The following TCERG1L variants were observed in gnomAD, a reference collection of about 807,000 sequenced individuals.
The protein encoded by TCERG1L is transcription elongation regulator 1 like.
TCERG1L carries 37 observed loss-of-function variants against 56.3 expected under a neutral mutation model. The observed-to-expected ratio is 0.66, with a 90% confidence interval of 0.51 to 0.87. The LOEUF is 0.87. TCERG1L is among the 40% of genes least tolerant of loss of function. The pLI is 0.00. For missense variants in TCERG1L, 799 were observed against 774.2 expected (o/e 1.03, Z -0.38); for synonymous variants, 324 against 326.3 (o/e 0.99, Z 0.08).
At chr10:131,225,765 C>T (rs1845785023) in intron 4 of TCERG1L, among the ~76,000 whole-genome samples, 2 of 152,000 alleles carry the variant, frequency 1.3e-5, no homozygotes, top group Non-Finnish European at 2.9e-5. Context: ...CTGCACACAG[C>T]GATGCCCCAG....
At chr10:131,168,896 G>A (rs893144548) in intron 4 of TCERG1L, among the ~76,000 whole-genome samples, 1 of 152,214 alleles carries the variant, frequency 6.6e-6, no homozygotes, top group Non-Finnish European at 1.5e-5. Context: ...ACCACCCCAA[G>A]AGACGCCCTC....
chr10:131,149,084 C>G (rs760136101), intron 6 of TCERG1L, among the ~76,000 whole-genome samples: 1 of 152,258 alleles, frequency 6.6e-6, no homozygotes, highest in Non-Finnish European at 1.5e-5. Flanking sequence ...CTGAGAAGGT[C>G]GCCTCCCCTC....
intron 3 of TCERG1L, among the ~76,000 whole-genome samples, chr10:131,277,267 G>C (rs1387036833): frequency 6.6e-6 from 1 of 152,164 alleles, no homozygotes; most frequent in Admixed American, 6.5e-5. Context: ...AAGGTGGATT[G>C]GCGAGGTTCT....
At chr10:131,204,052 G>GCGAC (rs534165241) in intron 4 of TCERG1L, among the ~76,000 whole-genome samples, 242 of 152,332 alleles carry the variant, frequency 1.6e-3, no homozygotes, top group African/African-American at 5.6e-3. Flanking sequence ...GATGGAATGA[G>GCGAC]CGACCTCATG....
chr10:131,199,731 AG>A (rs745332950), intron 4 of TCERG1L, among the ~76,000 whole-genome samples: 1 of 152,190 alleles, frequency 6.6e-6, no homozygotes, highest in Non-Finnish European at 1.5e-5. Context: ...GCCACATACC[AG>A]GCACCATCAT....
chr10:131,240,561 G>A (rs73398421), intron 4 of TCERG1L, among the ~76,000 whole-genome samples: 6,044 of 152,212 alleles, frequency 0.04, 310 homozygotes, highest in East Asian at 0.23. Flanking sequence ...GTGAGTGAGC[G>A]TCTGTCCCGA....
In TCERG1L at chr10:131,267,145, C is replaced by T. The variant is rs555419186; in HGVS notation, c.671-6701G>A. Reference sequence around the variant, plus strand: ...CAGGCCGCTTGCACCCAGGGGTACCCGCAGGCCAGTGCTGAGTTGCCACCA... The same window carrying T: ...CAGGCCGCTTGCACCCAGGGGTACCTGCAGGCCAGTGCTGAGTTGCCACCA... On this transcript the variant is annotated intron_variant, in intron 3 of 11. Coordinates refer to ENST00000368642, the MANE Select transcript of TCERG1L (RefSeq NM_174937.4). This position sits in a 1 kb window ranked among gnomAD's most constrained non-coding sequence, Gnocchi z 4.9. Among the ~76,000 whole-genome samples the T allele has an allele frequency of 3.3e-5, 5 of 152,276 alleles. No homozygotes were observed. Among genetic ancestry groups the T allele is most frequent in the African/African-American group, 7.2e-5 (3 of 41,564 alleles).
At position 131,163,191 on chromosome 10, in the gene TCERG1L, C is replaced by T. The variant is rs118074196; in HGVS notation, c.965G>A (p.Gly322Glu). The T allele has an allele frequency of 0.025, 38,298 of 1,557,804 alleles. 563 individuals carry two copies. The highest frequency in any genetic ancestry group is 0.03 in the Non-Finnish European group (34,162 of 1,151,134). The change falls in exon 6 of 12, where the codon GGG becomes GAG. Residue 322 changes from glycine (G) to glutamate (E), a missense_variant. Coordinates refer to ENST00000368642, the MANE Select transcript of TCERG1L (RefSeq NM_174937.4). ...TCTGGCTGTGCTGTCCTCTCCTCCC[C>T]CCAGCATCGGTGGAGGCTCCTTTCA... ...KEDKEPPPML[G>E]GGEDSTARGN...
intron 4 of TCERG1L, among the ~76,000 whole-genome samples, chr10:131,247,063 G>A (rs528135033): frequency 6.6e-6 from 1 of 152,278 alleles, no homozygotes; most frequent in African/African-American, 2.4e-5. Flanking sequence ...TGTGTAGGGA[G>A]GGGAGTATGC....
At chr10:131,241,937 GTC>G (rs1845978766) in intron 4 of TCERG1L, among the ~76,000 whole-genome samples, 1 of 152,038 alleles carries the variant, frequency 6.6e-6, no homozygotes, top group Non-Finnish European at 1.5e-5. Flanking sequence ...AACTCAGTGA[GTC>G]TCTCTCATGG....
At position 131,101,883 on chromosome 10, in the gene TCERG1L, G is replaced by T. The variant is rs145810030; in HGVS notation, c.1485+2382C>A. Among the ~76,000 whole-genome samples, 1,101 of 151,720 alleles carry T rather than the reference G, an allele frequency of 7.3e-3. 14 individuals are homozygous for T. The highest frequency in any genetic ancestry group is 0.025 in the African/African-American group (1,027 of 41,322). ...ACTTGGCTAATTTTTGGCATTTTTAGTAAAGACAGGGTTTTGCCATGTTGT... is the reference window on the plus strand; with the variant it reads ...ACTTGGCTAATTTTTGGCATTTTTATTAAAGACAGGGTTTTGCCATGTTGT... On this transcript the variant is annotated intron_variant, in intron 10 of 11. Coordinates refer to ENST00000368642, the MANE Select transcript of TCERG1L (RefSeq NM_174937.4).
At chr10:131,178,177 G>C (rs1330681266) in intron 4 of TCERG1L, among the ~76,000 whole-genome samples, 1 of 152,118 alleles carries the variant, frequency 6.6e-6, no homozygotes, top group East Asian at 1.9e-4. Context: ...GAGGCCCTGA[G>C]CCTTTGCCCG....
chr10:131,204,311 G>A (rs534267809), intron 4 of TCERG1L, among the ~76,000 whole-genome samples: 1 of 152,236 alleles, frequency 6.6e-6, no homozygotes, highest in Non-Finnish European at 1.5e-5. Flanking sequence ...GTATAGAGGA[G>A]CGGGAACAGA....
chr10:131,143,038 C>A (rs1479976875), intron 7 of TCERG1L, among the ~76,000 whole-genome samples: 6 of 152,128 alleles, frequency 3.9e-5, no homozygotes, highest in African/African-American at 1.4e-4. Context: ...AAGGAAATCT[C>A]CCCTGGATCC....
In TCERG1L at chr10:131,290,246, C is replaced by A. The variant is rs148269884; in HGVS notation, c.670+17965G>T. Among the ~76,000 whole-genome samples the A allele has an allele frequency of 7.6e-4, 115 of 152,286 alleles. 1 individual carries two copies. Among genetic ancestry groups the A allele is most frequent in the Admixed American group, 1.8e-3 (27 of 15,300 alleles). ...GTGTGTGTGAGAGTGTATGTGTGCA[C>A]TGCTGTGTGCGAGCAGGTGTGTACA... On this transcript the variant is annotated intron_variant, in intron 3 of 11. Transcript: ENST00000368642.
intron 4 of TCERG1L, among the ~76,000 whole-genome samples, chr10:131,257,049 G>GAAAGAAAGAAAGAAAAGA (rs1564827261): frequency 3.6e-5 from 5 of 140,390 alleles, no homozygotes; most frequent in African/African-American, 1.1e-4. Flanking sequence ...AAGAAAGAAA[G>GAAAGAAAGAAAGAAAAGA]AAAGAAAAGA....
intron 7 of TCERG1L, among the ~76,000 whole-genome samples, chr10:131,134,914 G>C (rs866606446): frequency 1.3e-5 from 2 of 152,138 alleles, no homozygotes; most frequent in Admixed American, 6.6e-5. Context: ...AACAGATAAC[G>C]AGATTCCCCT....
chr10:131,142,915 A>T (rs1456281813), intron 7 of TCERG1L, among the ~76,000 whole-genome samples: 1 of 152,170 alleles, frequency 6.6e-6, no homozygotes, highest in Non-Finnish European at 1.5e-5. Context: ...CCATCCTGTC[A>T]TCCAGGTGGC....
intron 3 of TCERG1L, among the ~76,000 whole-genome samples, chr10:131,298,235 ATTTTC>A (rs977444910): frequency 1.4e-5 from 2 of 145,166 alleles, no homozygotes; most frequent in African/African-American, 2.6e-5. Flanking sequence ...ATTGATTTTG[ATTTTC>A]TTTTATTTTC....
Sources: allele counts gnomAD v4.1 joint callset (sites outside exome capture counted in the v4.1 genomes callset), GRCh38; gene constraint gnomAD v4.1.1; non-coding constraint Gnocchi (gnomAD v3.1); transcripts MANE v1.5; gene names NCBI Gene and HGNC (gene_info 2026-07-23, HGNC 2026-07-21).